Variants in SYNE2 observed in about 807,000 individuals in gnomAD.
SYNE2 encodes spectrin repeat containing nuclear envelope protein 2.
Under a neutral mutation model 856.3 loss-of-function variants are expected in SYNE2, and 431 were observed. The ratio of observed to expected loss-of-function variants is 0.50; its 90% confidence interval spans 0.47 to 0.55. The LOEUF (loss-of-function observed/expected upper bound fraction) is 0.55, where lower values mean the gene tolerates loss of function less well. SYNE2 is among the 20% of genes least tolerant of loss of function. The pLI, the probability that SYNE2 is intolerant of heterozygous loss-of-function variation, is 0.00. For synonymous variants in SYNE2, 2,923 were observed against 2,872.3 expected (o/e 1.02, Z -0.56); for missense variants, 8,129 against 8,023.2 (o/e 1.01, Z -0.50).
Position 63,982,702 on chromosome 14 carries a change from G to A in SYNE2, c.1909G>A (p.Glu637Lys), listed in dbSNP as rs752511477. 2.4e-5 allele frequency: 38 copies of A among 1,613,858 alleles called. No homozygotes were observed. The highest frequency in any genetic ancestry group is 3.1e-5 in the Non-Finnish European group (36 of 1,179,964). The change falls in exon 17 of 116, where the codon GAA (glutamate) becomes AAA (lysine). Residue 637 changes from glutamate (E) to lysine (K), a missense_variant. Glu to Lys is a moderately conservative substitution (Grantham distance 56). Around this residue, in one of 3 missense-constraint regions of SYNE2, gnomAD observed 2,422 missense variants for 2,357.4 expected, o/e 1.03. Transcript: ENST00000555002. ...TLNEAGNFLV[E>K]VSNDVVGSSI... ...AAATGAAGCAGGAAATTTCTTAGTC[G>A]AAGTCAGCAATGATGTGGTTGGATC...
chr14:63,854,163 C>CTTT (rs35131482), intron 1 of SYNE2, among the ~76,000 whole-genome samples: 178 of 139,266 alleles, frequency 1.3e-3, no homozygotes, highest in South Asian at 3.5e-3. Flanking sequence ...CTTGGCATCA[C>CTTT]TTTTTTTTTT....
chr14:63,876,485 A>G (rs2140492634), intron 1 of SYNE2, among the ~76,000 whole-genome samples: 1 of 132,816 alleles, frequency 7.5e-6, no homozygotes, highest in Admixed American at 8.7e-5. Context: ...GCAACAAGCA[A>G]ATATGTTCCT....
At chr14:64,219,586 T>G (rs989417554) in intron 110 of SYNE2, among the ~76,000 whole-genome samples, 176 bp downstream of exon 110, 2 of 152,208 alleles carry the variant, frequency 1.3e-5, no homozygotes, top group Non-Finnish European at 2.9e-5. Context: ...GATGCAGATT[T>G]TTGTTTTCAC....
chr14:63,901,391 A>G (rs2095335139), intron 1 of SYNE2, among the ~76,000 whole-genome samples: 1 of 152,242 alleles, frequency 6.6e-6, no homozygotes, highest in Non-Finnish European at 1.5e-5. Context: ...TAAAAGCCAA[A>G]TTGTTATTTC....
intron 87 of SYNE2, 61 bp from the exon 88 acceptor site, chr14:64,162,011 G>C (rs1220996601): frequency 6.3e-7 from 1 of 1,578,516 alleles, no homozygotes; most frequent in Non-Finnish European, 8.7e-7. Context: ...TGTGTGCATT[G>C]TACTTTCGCT....
chr14:63,976,506 A>T, intron 11 of SYNE2, 57 bp from the exon 12 acceptor site: 2 of 1,572,326 alleles, frequency 1.3e-6, no homozygotes, highest in Non-Finnish European at 1.7e-6. Context: ...TATGTGAAGA[A>T]ATAAACTAGA....
chr14:64,016,214 G>C (rs1168657106), intron 32 of SYNE2, among the ~76,000 whole-genome samples: 1 of 151,834 alleles, frequency 6.6e-6, no homozygotes, highest in Non-Finnish European at 1.5e-5. Context: ...TATGGTTTTA[G>C]ACCACTATAA....
chr14:64,036,936 A>G (rs931713836), intron 45 of SYNE2, among the ~76,000 whole-genome samples: 2 of 152,102 alleles, frequency 1.3e-5, no homozygotes, highest in Non-Finnish European at 2.9e-5. Flanking sequence ...AATTATAGCA[A>G]TGAGAATCTA....
intron 1 of SYNE2, among the ~76,000 whole-genome samples, chr14:63,836,072 G>C (rs1889850411): frequency 6.6e-6 from 1 of 152,122 alleles, no homozygotes; most frequent in South Asian, 2.1e-4. Context: ...GTCGCACTGT[G>C]TCACTCAGGC....
At chr14:63,799,518 C>G (rs1026336513) in intron 1 of SYNE2, among the ~76,000 whole-genome samples, 1 of 151,942 alleles carries the variant, frequency 6.6e-6, no homozygotes, top group East Asian at 2.0e-4. Flanking sequence ...CAGTGAAACC[C>G]CGTCTCTACT....
chr14:63,945,567 T>C (rs1188150399), intron 6 of SYNE2, among the ~76,000 whole-genome samples: 1 of 152,198 alleles, frequency 6.6e-6, no homozygotes, highest in Non-Finnish European at 1.5e-5. Flanking sequence ...TACCATTGTA[T>C]TGTTGGTGCA....
At chr14:63,810,869 C>G (rs1888589142) in intron 1 of SYNE2, among the ~76,000 whole-genome samples, 2 of 152,176 alleles carry the variant, frequency 1.3e-5, no homozygotes, top group African/African-American at 4.8e-5. Flanking sequence ...GAGTCTTGCT[C>G]TGTTGCCCAT....
In SYNE2 at chr14:64,133,239, A is replaced by C. The variant is rs191369134; in HGVS notation, c.14514+801A>C. 2.5e-3 allele frequency among the ~76,000 whole-genome samples: 376 copies of C among 152,034 alleles called. 2 individuals are homozygous for C. Among genetic ancestry groups the C allele is most frequent in the African/African-American group, 8.6e-3 (357 of 41,484 alleles). ...AAAGAAAAAAGGAAGGAAATGTTTA[A>C]CTTGATAGTGTAATATGGTGTTATT... On this transcript the variant is annotated intron_variant, in intron 77 of 115. Coordinates refer to ENST00000555002, the MANE Select transcript of SYNE2 (RefSeq NM_182914.3).
chr14:63,989,467 A>G (rs1339853185), intron 19 of SYNE2, among the ~76,000 whole-genome samples: 1 of 151,984 alleles, frequency 6.6e-6, no homozygotes, highest in Non-Finnish European at 1.5e-5. Flanking sequence ...CCTGCCAAGT[A>G]GCTGGGACTA....
At chr14:64,219,126 ACC>A in intron 109 of SYNE2, 80 bp from the exon 110 acceptor site, 5 of 816,270 alleles carry the variant, frequency 6.1e-6, no homozygotes, top group East Asian at 4.5e-5. Context: ...TTTTTTTTTA[ACC>A]ACCCTGACCC....
At chr14:64,207,288 A>C (rs2098609956) in intron 100 of SYNE2, among the ~76,000 whole-genome samples, 1 of 152,222 alleles carries the variant, frequency 6.6e-6, no homozygotes, top group Non-Finnish European at 1.5e-5. Context: ...AAGTAAGAGA[A>C]TAGGGGCTGG....
At position 64,225,388 on chromosome 14, in the gene SYNE2, G is replaced by C; in HGVS notation, c.20586G>C (p.Gln6862His). The C allele has an allele frequency of 6.2e-7, 1 of 1,614,126 alleles. No homozygotes were observed. The highest frequency in any genetic ancestry group is 8.5e-7 in the Non-Finnish European group (1 of 1,179,998). Residue 6862 changes from glutamine (Q) to histidine (H), a missense_variant, in exon 116 of 116, where the codon CAG becomes CAC. By Grantham distance (24) the Gln-to-His change is conservative. Transcript: ENST00000555002. ...SRVVRAALPL[Q>H]LLLLLLLLLA... ...TGGTCCGGGCAGCCCTACCCCTGCA[G>C]CTGCTCCTCCTGCTGCTGCTGCTCC...
At chr14:64,164,725 A>G (rs764985916) in intron 89 of SYNE2, among the ~76,000 whole-genome samples, 5 of 152,326 alleles carry the variant, frequency 3.3e-5, no homozygotes, top group Middle Eastern at 3.4e-3. Context: ...TGGTCTCCTC[A>G]GGCGGGTGAT....
intron 21 of SYNE2, 126 bp from the exon 22 acceptor site, chr14:63,993,709 A>G: frequency 1.2e-6 from 1 of 800,836 alleles, no homozygotes; most frequent in Non-Finnish European, 2.0e-6. Context: ...ATCTTCAGAT[A>G]TTCTTCAGAG....
Sources: allele counts gnomAD v4.1 joint callset (sites outside exome capture counted in the v4.1 genomes callset), GRCh38; gene constraint gnomAD v4.1.1; regional missense constraint gnomAD v4.1.1; transcripts MANE v1.5; gene names NCBI Gene and HGNC (gene_info 2026-07-23, HGNC 2026-07-21).